PHF20L1: variants seen among roughly 807,000 people sequenced by gnomAD.
PHF20L1 encodes the protein PHD finger protein 20-like protein 1.
In PHF20L1, 44 loss-of-function variants were observed where a neutral mutation model predicts 125.5. The observed-to-expected ratio is 0.35, with a 90% CI of 0.28 to 0.45. The LOEUF (loss-of-function observed/expected upper bound fraction) is 0.45, where lower values mean the gene tolerates loss of function less well. Ranked by LOEUF, PHF20L1 falls within the 20% of genes least tolerant of loss-of-function variation. PHF20L1 has a pLI of 1.00. For synonymous variants in PHF20L1, 380 were observed against 403.1 expected, an observed-to-expected ratio of 0.94 and a Z score of 0.69; for missense variants, 1,012 against 1,217.2, an observed-to-expected ratio of 0.83 and a Z score of 2.51.
chr8:132,817,318 T>C (rs1411543015), intron 11 of PHF20L1, 21 bp from the exon 12 acceptor site: 2 of 1,589,894 alleles, frequency 1.3e-6, no homozygotes, highest in South Asian at 2.2e-5. Context: ...AATATTACAT[T>C]ACACTCTTTA....
At chr8:132,835,095 G>A (rs1837200466) in intron 15 of PHF20L1, among the ~76,000 whole-genome samples, 1 of 152,084 alleles carries the variant, frequency 6.6e-6, no homozygotes, top group African/African-American at 2.4e-5. Flanking sequence ...ATCTGATTAA[G>A]TCTGAAAAGA....
chr8:132,837,978 A>G (rs1278227784), intron 17 of PHF20L1, 167 bp downstream of exon 17: 1 of 578,976 alleles, frequency 1.7e-6, no homozygotes, highest in South Asian at 1.8e-5. Context: ...TATATGCCAT[A>G]GGAACTTAAC....
intron 18 of PHF20L1, among the ~76,000 whole-genome samples, chr8:132,840,765 A>G (rs942644572): frequency 1.3e-5 from 2 of 152,004 alleles, no homozygotes; most frequent in African/African-American, 2.4e-5. Context: ...AGAGTTGACC[A>G]TGTTCTTCTT....
At chr8:132,787,901 T>G (rs1261677128) in intron 2 of PHF20L1, among the ~76,000 whole-genome samples, 1 of 152,134 alleles carries the variant, frequency 6.6e-6, no homozygotes, top group Non-Finnish European at 1.5e-5. Flanking sequence ...CAAATAATCC[T>G]CTCACTAATA....
intron 8 of PHF20L1, chr8:132,810,827 A>C (rs1563815656): frequency 2.1e-6 from 1 of 470,462 alleles, no homozygotes; most frequent in East Asian, 3.8e-5. Context: ...AGTAATATTA[A>C]ACAACAGACA....
intron 19 of PHF20L1, chr8:132,843,288 A>G: frequency 2.0e-6 from 2 of 985,004 alleles, no homozygotes; most frequent in Non-Finnish European, 2.4e-6. Flanking sequence ...AAATTTTAGC[A>G]TGTTTGTCAA....
intron 9 of PHF20L1, chr8:132,811,379 A>G: frequency 8.5e-7 from 1 of 1,179,580 alleles, no homozygotes; most frequent in Non-Finnish European, 1.1e-6. Flanking sequence ...CAGGCATCCC[A>G]GGGTATAAGC....
intron 2 of PHF20L1, 141 bp downstream of exon 2, chr8:132,778,052 G>T: frequency 6.9e-6 from 4 of 578,142 alleles, no homozygotes; most frequent in Non-Finnish European, 3.1e-6. Context: ...TTGTTTTTTA[G>T]TTTTCCTACT....
intron 15 of PHF20L1, among the ~76,000 whole-genome samples, chr8:132,836,175 AAGGGGACAACAC>A (rs1326352718): frequency 2.6e-5 from 4 of 152,102 alleles, no homozygotes; most frequent in African/African-American, 9.7e-5. Context: ...ATGAAATCAC[AAGGGGACAACAC>A]AGGGTTTTTA....
intron 13 of PHF20L1, 167 bp from the exon 14 acceptor site, chr8:132,825,097 T>G: frequency 6.6e-7 from 1 of 1,523,194 alleles, no homozygotes; most frequent in Non-Finnish European, 8.9e-7. Context: ...TCCAATAAGC[T>G]TATCAGGACT....
At chr8:132,791,397 G>A (rs1831682739) in intron 2 of PHF20L1, among the ~76,000 whole-genome samples, 1 of 151,982 alleles carries the variant, frequency 6.6e-6, no homozygotes, top group Non-Finnish European at 1.5e-5. Flanking sequence ...GGGATTACAG[G>A]CATGTGCCAC....
intron 2 of PHF20L1, among the ~76,000 whole-genome samples, chr8:132,779,749 T>G (rs1201104268): frequency 2.6e-5 from 4 of 152,212 alleles, no homozygotes; most frequent in Non-Finnish European, 4.4e-5. Flanking sequence ...GATCCAGTAG[T>G]TCAAAAGACT....
Position 132,839,371 on chromosome 8 carries a change from T to C in PHF20L1, c.2192-16T>C. 1.3e-6 allele frequency: 2 copies of C among 1,597,184 alleles called. No individual in the cohort carries two copies. The highest frequency in any genetic ancestry group is 1.7e-6 in the Non-Finnish European group (2 of 1,165,708). On this transcript the variant is annotated splice_polypyrimidine_tract_variant and intron_variant, in intron 17 of 20. Transcript: ENST00000395386. Reference sequence around the variant, plus strand: ...AAGTGCAGTCCTCTGTGATTTAATATCAACTTCATCTGCAGGTCAGAGGTG... The same window carrying C: ...AAGTGCAGTCCTCTGTGATTTAATACCAACTTCATCTGCAGGTCAGAGGTG...
Position 132,839,449 on chromosome 8 carries a change from G to A in PHF20L1, c.2254G>A (p.Gly752Arg), listed in dbSNP as rs1837705573. Residue 752 changes from glycine to arginine, a missense_variant, in exon 18 of 21, where the codon GGG becomes AGG. By Grantham distance (125) the Gly-to-Arg change is moderately radical. Coordinates refer to ENST00000395386, the MANE Select transcript of PHF20L1 (RefSeq NM_016018.5). ...KEWLNNGRMCGLSFFKENYSH... is the reference protein window; with the variant it reads ...KEWLNNGRMCRLSFFKENYSH... ...GTGGTTGAATAATGGGAGAATGTGCGGGTTATCATTTTTCAAAGAAAATTA... is the reference window on the plus strand; with the variant it reads ...GTGGTTGAATAATGGGAGAATGTGCAGGTTATCATTTTTCAAAGAAAATTA... 2 of 1,613,064 alleles carry A rather than the reference G, an allele frequency of 1.2e-6. No homozygotes were observed. Among genetic ancestry groups the A allele is most frequent in the East Asian group, 2.2e-5 (1 of 44,850 alleles).
chr8:132,790,373 G>A (rs935599385), intron 2 of PHF20L1, among the ~76,000 whole-genome samples: 1 of 152,108 alleles, frequency 6.6e-6, no homozygotes, highest in Non-Finnish European at 1.5e-5. Context: ...GCATTTCACG[G>A]GTATTGCAAA....
At chr8:132,810,744 CATTA>C in intron 8 of PHF20L1, 1 of 286,960 alleles carries the variant, frequency 3.5e-6, no homozygotes. Context: ...TTAATGTAGA[CATTA>C]AGACAGAATT....
chr8:132,785,221 T>C (rs1035228514), intron 2 of PHF20L1, among the ~76,000 whole-genome samples: 6 of 152,190 alleles, frequency 3.9e-5, no homozygotes, highest in Non-Finnish European at 7.4e-5. Flanking sequence ...CCGAATGTTA[T>C]TATGTATTAT....
intron 2 of PHF20L1, among the ~76,000 whole-genome samples, chr8:132,783,724 T>C (rs1050520068): frequency 3.3e-5 from 5 of 152,174 alleles, no homozygotes; most frequent in Admixed American, 2.0e-4. Context: ...TAGAAAGTAA[T>C]GATTATTATT....
intron 15 of PHF20L1, among the ~76,000 whole-genome samples, chr8:132,835,146 A>G (rs2131870017): frequency 6.6e-6 from 1 of 152,252 alleles, no homozygotes; most frequent in African/African-American, 2.4e-5. Flanking sequence ...TCTTCTACAA[A>G]CATTCTGGAG....
Sources: allele counts gnomAD v4.1 joint callset (sites outside exome capture counted in the v4.1 genomes callset), GRCh38; gene constraint gnomAD v4.1.1; transcripts MANE v1.5; gene names NCBI Gene and HGNC (gene_info 2026-07-23, HGNC 2026-07-21).